Variants in SUPT3H observed in about 807,000 individuals in gnomAD.
SUPT3H encodes the protein SPT3 homolog, SAGA and STAGA complex component, also known as transcription initiation protein SPT3 homolog.
Under a neutral mutation model 44.3 loss-of-function variants are expected in SUPT3H, and 44 were observed. The observed-to-expected ratio is 0.99, with a 90% CI of 0.78 to 1.28. The LOEUF is 1.28. Among genes scored for constraint, SUPT3H ranks in the 50% most tolerant of loss-of-function variants. The pLI is 0.00. For synonymous variants in SUPT3H, 124 were observed against 125.6 expected (o/e 0.99, Z 0.09); for missense variants, 380 against 387.1 (o/e 0.98, Z 0.15).
intron 10 of SUPT3H, among the ~76,000 whole-genome samples, chr6:44,846,588 G>A (rs557059689): frequency 4.6e-5 from 7 of 152,142 alleles, no homozygotes; most frequent in Admixed American, 1.3e-4. Context: ...AGAGAACAGG[G>A]GAGGGCTGAG....
rs994416846 is a variant in SUPT3H, at chr6:44,971,877, A to G, written c.505-10049T>C. Among the ~76,000 whole-genome samples, 7 of 152,168 alleles carry G rather than the reference A, an allele frequency of 4.6e-5. No individual in the cohort carries two copies. The South Asian group carries it at 1.4e-3, about 32-fold the overall frequency. ...AAGCTCCGCCTCCTGGGTTCATGCC[A>G]TTCTCCTGCCTCAGCATCCCGAGTA... is the stretch of plus-strand genomic sequence containing the variant. On this transcript the variant is annotated intron_variant, in intron 6 of 10. Coordinates refer to ENST00000371459, the MANE Select transcript of SUPT3H (RefSeq NM_003599.4).
intron 6 of SUPT3H, among the ~76,000 whole-genome samples, chr6:44,992,811 T>C (rs1308365691): frequency 6.6e-6 from 1 of 152,102 alleles, no homozygotes; most frequent in Non-Finnish European, 1.5e-5. Context: ...TGCTATAAAA[T>C]TTCTCTACAG....
At chr6:45,288,075 G>T (rs770179678) in intron 2 of SUPT3H, among the ~76,000 whole-genome samples, 4 of 152,012 alleles carry the variant, frequency 2.6e-5, no homozygotes, top group Non-Finnish European at 5.9e-5. Flanking sequence ...TTTCTTACTA[G>T]AACTTACCTA....
intron 6 of SUPT3H, among the ~76,000 whole-genome samples, chr6:44,968,888 C>A (rs1777155641): frequency 6.6e-6 from 1 of 152,164 alleles, no homozygotes; most frequent in Non-Finnish European, 1.5e-5. Flanking sequence ...TACCTCAGCA[C>A]ACATTGTTCT....
In SUPT3H at chr6:44,928,882, C is replaced by CAA. The variant is rs35656937; in HGVS notation, c.912+3769_912+3770dup. Among the ~76,000 whole-genome samples, 115 of 20,602 alleles carry CAA rather than the reference C, an allele frequency of 5.6e-3. 6 individuals are homozygous for CAA. The highest frequency in any genetic ancestry group is 7.3e-3 in the Non-Finnish European group (97 of 13,344). 13.5% of individuals were successfully genotyped at this position (20,602 alleles called of 152,430 possible). A position where few individuals can be genotyped will look rare whatever the true frequency, so the allele number is the denominator to read the frequency against. The stretch of plus-strand genomic sequence containing the variant: ...TGGGCGACAGAACGAGACTCCGTCT[C>CAA]AAAAAAAAAAAAAAAAAAAAAAGAA... On this transcript the variant is annotated intron_variant, in intron 10 of 10. Coordinates refer to ENST00000371459, the MANE Select transcript of SUPT3H (RefSeq NM_003599.4).
At chr6:45,142,473 A>G (rs1805369825) in intron 2 of SUPT3H, among the ~76,000 whole-genome samples, 1 of 152,124 alleles carries the variant, frequency 6.6e-6, no homozygotes, top group South Asian at 2.1e-4. Context: ...GCGGTGGCTC[A>G]CGTCTGTAAT....
intron 2 of SUPT3H, among the ~76,000 whole-genome samples, chr6:45,149,879 C>A (rs1217308391): frequency 6.6e-6 from 1 of 152,172 alleles, no homozygotes; most frequent in Admixed American, 6.5e-5. Flanking sequence ...AGCATCACTT[C>A]TTGGCCTTTT....
At chr6:45,085,946 TC>T (rs1182588077) in intron 3 of SUPT3H, among the ~76,000 whole-genome samples, 2 of 152,072 alleles carry the variant, frequency 1.3e-5, no homozygotes, top group African/African-American at 4.8e-5. Flanking sequence ...TTAAAACAAC[TC>T]AATTATAATC....
rs144349272 is a variant in SUPT3H at position 44,933,229 on chromosome 6, C to A, written c.802-466G>T. 2.2e-3 allele frequency among the ~76,000 whole-genome samples: 328 copies of A among 152,084 alleles called. 1 individual carries two copies. Among genetic ancestry groups the A allele is most frequent in the African/African-American group, 7.6e-3 (314 of 41,462 alleles). On this transcript the variant is annotated intron_variant, in intron 9 of 10. Transcript: ENST00000371459. ...AATTATGATACATTTATTTATCATA[C>A]CTGGGATTGTCATAAGACCATTTCA... is the stretch of plus-strand genomic sequence containing the variant.
intron 10 of SUPT3H, among the ~76,000 whole-genome samples, chr6:44,888,531 T>C (rs1052864989): frequency 5.3e-5 from 8 of 152,142 alleles, no homozygotes; most frequent in African/African-American, 9.7e-5. Context: ...ATTACCTCAA[T>C]AGATGCAGAA....
chr6:45,014,912 G>T, intron 4 of SUPT3H, 21 bp from the exon 5 acceptor site: 1 of 1,409,620 alleles, frequency 7.1e-7, no homozygotes, highest in Non-Finnish European at 9.5e-7. Flanking sequence ...TATAAAATAA[G>T]TAAATAAGAA....
chr6:45,066,140 G>A (rs1049292636), intron 3 of SUPT3H, among the ~76,000 whole-genome samples: 2 of 138,330 alleles, frequency 1.4e-5, no homozygotes, highest in African/African-American at 5.5e-5. Context: ...TCCCTGGGAT[G>A]CAAGGCTGGT....
intron 2 of SUPT3H, among the ~76,000 whole-genome samples, chr6:45,217,432 G>A (rs796321385): frequency 2.7e-5 from 4 of 150,056 alleles, no homozygotes; most frequent in African/African-American, 9.8e-5. Context: ...CCGACATCAC[G>A]CAACTGCACT....
intron 3 of SUPT3H, chr6:45,098,973 A>G: frequency 2.3e-6 from 1 of 433,708 alleles, no homozygotes; most frequent in Non-Finnish European, 4.6e-6. Context: ...AGACTCTGGG[A>G]TCCAGCTACA....
chr6:45,167,803 C>A (rs910561230), intron 2 of SUPT3H, among the ~76,000 whole-genome samples: 5 of 151,314 alleles, frequency 3.3e-5, no homozygotes, highest in Non-Finnish European at 7.4e-5. Context: ...AAGTTCACTT[C>A]TTTATTTTCA....
At chr6:45,175,407 T>G (rs1428870618) in intron 2 of SUPT3H, among the ~76,000 whole-genome samples, 3 of 152,114 alleles carry the variant, frequency 2.0e-5, no homozygotes, top group African/African-American at 7.2e-5. Flanking sequence ...AAGGAAGAAG[T>G]GCTGAGCAAA....
chr6:45,301,880 T>C (rs1237415297), intron 2 of SUPT3H, among the ~76,000 whole-genome samples: 1 of 152,194 alleles, frequency 6.6e-6, no homozygotes, highest in Non-Finnish European at 1.5e-5. Flanking sequence ...TGGATTTGAT[T>C]TGTTAAAGTT....
chr6:44,917,827 C>G (rs1375015436), intron 10 of SUPT3H, among the ~76,000 whole-genome samples: 1 of 152,122 alleles, frequency 6.6e-6, no homozygotes, highest in African/African-American at 2.4e-5. Context: ...TAAAAATACT[C>G]CTCTATCATC....
chr6:44,885,684 C>A (rs1190069020), intron 10 of SUPT3H, among the ~76,000 whole-genome samples: 1 of 152,094 alleles, frequency 6.6e-6, no homozygotes, highest in African/African-American at 2.4e-5. Flanking sequence ...AGCAGAAAAA[C>A]TGGAAAGTCT....
Sources: allele counts gnomAD v4.1 joint callset (sites outside exome capture counted in the v4.1 genomes callset), GRCh38; gene constraint gnomAD v4.1.1; transcripts MANE v1.5; gene names NCBI Gene and HGNC (gene_info 2026-07-23, HGNC 2026-07-21).